The following PPFIBP2 variants were observed in gnomAD, a reference collection of about 807,000 sequenced individuals.
PPFIBP2 encodes liprin-beta-2.
PPFIBP2 carries 118 observed loss-of-function variants against 118.3 expected under a neutral mutation model. That is an observed-to-expected ratio of 1.00 (90% CI 0.86 to 1.16). The LOEUF is 1.16. Ranked by LOEUF, PPFIBP2 falls within the 50% of genes most tolerant of loss-of-function variation. The pLI, the probability that PPFIBP2 is intolerant of heterozygous loss-of-function variation, is 0.00. For missense variants in PPFIBP2, 1,195 were observed against 1,073.1 expected (o/e 1.11, Z -1.59); for synonymous variants, 414 against 397.4 (o/e 1.04, Z -0.50).
chr11:7,650,768 G>C, intron 21 of PPFIBP2, 72 bp from the exon 22 acceptor site: 1 of 1,535,158 alleles, frequency 6.5e-7, no homozygotes, highest in Non-Finnish European at 8.9e-7. Context: ...TACTTACCGG[G>C]GCTGACTCCA....
At position 7,648,439 on chromosome 11, in the gene PPFIBP2, C is replaced by G; in HGVS notation, c.1699C>G (p.Leu567Val). Reference sequence around the variant, plus strand: ...GAGCACAGAGCGTGTGTGTGCATGGCTGGAGGACTTTGGCCTGGCTCAGTA... The same window carrying G: ...GAGCACAGAGCGTGTGTGTGCATGGGTGGAGGACTTTGGCCTGGCTCAGTA... ...QWSTERVCAW[L>V]EDFGLAQYVI... is the part of the protein sequence containing the mutation. Residue 567 changes from leucine (L) to valine (V), a missense_variant, in exon 18 of 24, where the codon CTG becomes GTG. Coordinates refer to ENST00000299492, the MANE Select transcript of PPFIBP2 (RefSeq NM_003621.5). 1.2e-6 allele frequency: 2 copies of G among 1,614,110 alleles called. No individual in the cohort carries two copies. Among genetic ancestry groups the G allele is most frequent in the African/African-American group, 2.7e-5 (2 of 75,008 alleles).
chr11:7,550,606 C>T (rs1354977362), intron 2 of PPFIBP2, among the ~76,000 whole-genome samples: 1 of 152,158 alleles, frequency 6.6e-6, no homozygotes, highest in Non-Finnish European at 1.5e-5. Context: ...TGACTAATGT[C>T]CTGCTTTTCA....
At chr11:7,582,484 C>T (rs961441609) in intron 3 of PPFIBP2, among the ~76,000 whole-genome samples, 1 of 152,160 alleles carries the variant, frequency 6.6e-6, no homozygotes, top group African/African-American at 2.4e-5. Flanking sequence ...CTCTTTTACC[C>T]AGTGGGATTT....
At chr11:7,655,476 C>G (rs1162454720), downstream of PPFIBP2, 2 of 1,289,800 alleles carry the variant, frequency 1.6e-6, no homozygotes, top group South Asian at 1.2e-5. Context: ...GGGCTCCTCT[C>G]CCAAGACATT....
intron 2 of PPFIBP2, among the ~76,000 whole-genome samples, chr11:7,563,018 T>C (rs113367206): frequency 6.8e-6 from 1 of 147,636 alleles, no homozygotes; most frequent in African/African-American, 2.5e-5. Flanking sequence ...GGCACAGATA[T>C]ACATGTACTC....
chr11:7,599,731 C>T (rs531242248), intron 5 of PPFIBP2, among the ~76,000 whole-genome samples: 15 of 150,972 alleles, frequency 9.9e-5, no homozygotes, highest in African/African-American at 2.4e-4. Flanking sequence ...CCTGGGTTCA[C>T]GCCATTCTCC....
intron 3 of PPFIBP2, among the ~76,000 whole-genome samples, chr11:7,566,810 G>T (rs143377798): frequency 5.5e-4 from 84 of 152,082 alleles, no homozygotes; most frequent in African/African-American, 2.0e-3. Flanking sequence ...GGGTATTTAG[G>T]GTATCCACTG....
At chr11:7,516,925 T>C (rs997627635) in intron 1 of PPFIBP2, among the ~76,000 whole-genome samples, 3 of 152,148 alleles carry the variant, frequency 2.0e-5, no homozygotes, top group African/African-American at 7.2e-5. Context: ...TATTTGGTTA[T>C]AGTAAAAAGG....
intron 1 of PPFIBP2, among the ~76,000 whole-genome samples, chr11:7,548,058 T>C (rs534931716): frequency 2.0e-5 from 3 of 152,328 alleles, no homozygotes; most frequent in Non-Finnish European, 4.4e-5. Context: ...TGCAAAGGAA[T>C]GTGCTTAGTG....
chr11:7,557,489 C>CTT (rs57734219), intron 2 of PPFIBP2, among the ~76,000 whole-genome samples: 37 of 107,864 alleles, frequency 3.4e-4, no homozygotes, highest in South Asian at 8.6e-4. Flanking sequence ...CTCATTGGCA[C>CTT]TTTTTTTTTT....
chr11:7,665,463 C>T, the PPFIBP2 span: 5 of 1,613,906 alleles, frequency 3.1e-6, no homozygotes, highest in Admixed American at 8.3e-5. Context: ...GGGCCACACA[C>T]CAGGATGAGC....
At chr11:7,649,739 T>G in intron 21 of PPFIBP2, 85 bp downstream of exon 21, 1 of 1,558,980 alleles carries the variant, frequency 6.4e-7, no homozygotes, top group Non-Finnish European at 8.7e-7. Flanking sequence ...AATGACATCA[T>G]AAAAGCACTG....
chr11:7,525,302 G>C (rs1430846260), intron 1 of PPFIBP2, among the ~76,000 whole-genome samples: 6 of 152,160 alleles, frequency 3.9e-5, no homozygotes, highest in African/African-American at 1.4e-4. Context: ...ACAATAATAG[G>C]CCAATTCATT....
chr11:7,628,914 AG>A (rs1850382930), intron 9 of PPFIBP2, among the ~76,000 whole-genome samples: 1 of 152,220 alleles, frequency 6.6e-6, no homozygotes, highest in Non-Finnish European at 1.5e-5. Flanking sequence ...GCCCAAGGTC[AG>A]GTAACTAGTA....
At chr11:7,646,275 T>A (rs1401679628) in intron 17 of PPFIBP2, among the ~76,000 whole-genome samples, 1 of 152,236 alleles carries the variant, frequency 6.6e-6, no homozygotes, top group African/African-American at 2.4e-5. Context: ...AAAGAATGTT[T>A]AAGATTAGCC....
At chr11:7,589,611 CAA>C (rs56678642) in intron 3 of PPFIBP2, among the ~76,000 whole-genome samples, 1 of 142,262 alleles carries the variant, frequency 7.0e-6, no homozygotes, top group South Asian at 2.2e-4. Flanking sequence ...AACCCCCTCC[CAA>C]AAAAAAAAAA....
chr11:7,548,855 T>A (rs751128769), intron 1 of PPFIBP2, among the ~76,000 whole-genome samples: 50 of 152,260 alleles, frequency 3.3e-4, no homozygotes, highest in Middle Eastern at 3.4e-3. Flanking sequence ...TGTCTCTACA[T>A]CCTTGTGGCC....
rs1175666140 is a variant in PPFIBP2 at position 7,520,731 on chromosome 11, A to G, written c.-37+6610A>G. Among the ~76,000 whole-genome samples, 5 of 152,324 alleles carry G rather than the reference A, an allele frequency of 3.3e-5. No individual in the cohort carries two copies. In the East Asian group the frequency reaches 9.6e-4, roughly 29 times the overall value. ...GCTGAAACTTTTGGCAGCTTTGTTT[A>G]TTCCTGAGTCACTATTTTCCCTGCG... On this transcript the variant is annotated intron_variant, in intron 1 of 23. Coordinates refer to ENST00000299492, the MANE Select transcript of PPFIBP2 (RefSeq NM_003621.5).
the PPFIBP2 span, chr11:7,666,667 C>T: frequency 1.3e-5 from 8 of 634,896 alleles, no homozygotes; most frequent in East Asian, 2.9e-5. Context: ...CTGGAGTGCT[C>T]GCTGCCAACT....
Sources: allele counts gnomAD v4.1 joint callset (sites outside exome capture counted in the v4.1 genomes callset), GRCh38; gene constraint gnomAD v4.1.1; transcripts MANE v1.5; gene names NCBI Gene and HGNC (gene_info 2026-07-23, HGNC 2026-07-21).